Variants in ALCAM observed in about 807,000 individuals in gnomAD.
ALCAM encodes the protein CD166 antigen.
In ALCAM, 30 loss-of-function variants were observed where a neutral mutation model predicts 70.9. The observed-to-expected ratio is 0.42, with a 90% CI of 0.32 to 0.57. The LOEUF (loss-of-function observed/expected upper bound fraction) is 0.57, where lower values mean the gene tolerates loss of function less well. Among genes scored for constraint, ALCAM ranks in the 20% least tolerant of loss-of-function variants. The probability of loss-of-function intolerance (pLI) is 0.11; values close to 1 mark genes in which losing one functional copy is unlikely to be tolerated. For missense variants in ALCAM, 591 were observed against 695.1 expected, an observed-to-expected ratio of 0.85 and a Z score of 1.68; for synonymous variants, 249 against 242.5, an observed-to-expected ratio of 1.03 and a Z score of -0.25.
chr3:105,430,213 G>C (rs1242832941), intron 1 of ALCAM, among the ~76,000 whole-genome samples: 1 of 151,596 alleles, frequency 6.6e-6, no homozygotes, highest in Non-Finnish European at 1.5e-5. Context: ...CATATTTATA[G>C]TACATTTATC....
At chr3:105,417,994 AG>A (rs1379430945) in intron 1 of ALCAM, among the ~76,000 whole-genome samples, 1 of 151,774 alleles carries the variant, frequency 6.6e-6, no homozygotes, top group Non-Finnish European at 1.5e-5. Context: ...TAAAGGTAAA[AG>A]TATCAGAAAA....
chr3:105,391,856 T>G (rs1176001896), intron 1 of ALCAM, among the ~76,000 whole-genome samples: 1 of 152,164 alleles, frequency 6.6e-6, no homozygotes, highest in Non-Finnish European at 1.5e-5. Flanking sequence ...CCTTTAGTTC[T>G]GTTTATGTGA....
intron 1 of ALCAM, among the ~76,000 whole-genome samples, chr3:105,437,149 T>C (rs1937067690): frequency 6.6e-6 from 1 of 152,242 alleles, no homozygotes; most frequent in Non-Finnish European, 1.5e-5. Flanking sequence ...CATGTGGGAA[T>C]TATTTGGATT....
intron 14 of ALCAM, among the ~76,000 whole-genome samples, chr3:105,559,771 A>T (rs1189212715): frequency 2.0e-5 from 3 of 152,162 alleles, no homozygotes; most frequent in Admixed American, 6.5e-5. Context: ...TTATGACCAG[A>T]GATTGTTTGC....
chr3:105,477,311 AACTT>A (rs1299193804), intron 1 of ALCAM, among the ~76,000 whole-genome samples: 1 of 152,116 alleles, frequency 6.6e-6, no homozygotes, highest in African/African-American at 2.4e-5. Flanking sequence ...TTGAAGAACT[AACTT>A]TAGCATTTCT....
chr3:105,515,070 C>T (rs1319170807), intron 1 of ALCAM, among the ~76,000 whole-genome samples: 1 of 151,840 alleles, frequency 6.6e-6, no homozygotes, highest in African/African-American at 2.4e-5. Context: ...CACACATGCA[C>T]AAATGCACAC....
At chr3:105,518,893 A>G (rs1398538298) in intron 1 of ALCAM, among the ~76,000 whole-genome samples, 1 of 152,034 alleles carries the variant, frequency 6.6e-6, no homozygotes, top group East Asian at 1.9e-4. Context: ...CCTTAAATGA[A>G]ATTTTGGTAT....
At chr3:105,382,686 G>T (rs555553708) in intron 1 of ALCAM, among the ~76,000 whole-genome samples, 2 of 151,878 alleles carry the variant, frequency 1.3e-5, no homozygotes, top group African/African-American at 4.8e-5. Context: ...TTCTCTGATG[G>T]CCAGTGATGA....
chr3:105,424,367 A>G (rs189987964), intron 1 of ALCAM, among the ~76,000 whole-genome samples: 106 of 151,822 alleles, frequency 7.0e-4, no homozygotes, highest in African/African-American at 2.4e-3. Flanking sequence ...CAGAATTCAG[A>G]TGAACTCTTA....
intron 1 of ALCAM, among the ~76,000 whole-genome samples, chr3:105,442,173 T>G (rs933906931): frequency 6.6e-6 from 1 of 152,160 alleles, no homozygotes; most frequent in African/African-American, 2.4e-5. Flanking sequence ...ATTATTACAT[T>G]AGAATGAGAC....
chr3:105,430,976 G>C (rs1159740354), intron 1 of ALCAM, among the ~76,000 whole-genome samples: 1 of 152,040 alleles, frequency 6.6e-6, no homozygotes, highest in East Asian at 1.9e-4. Flanking sequence ...ATGGTTGGAA[G>C]TTCCTAGCAC....
At chr3:105,501,005 G>A (rs1938903354) in intron 1 of ALCAM, among the ~76,000 whole-genome samples, 1 of 152,162 alleles carries the variant, frequency 6.6e-6, no homozygotes, top group Non-Finnish European at 1.5e-5. Context: ...CTCTCACAGA[G>A]ACTGTTTACT....
At chr3:105,464,056 C>A (rs766989270) in intron 1 of ALCAM, among the ~76,000 whole-genome samples, 2 of 151,300 alleles carry the variant, frequency 1.3e-5, no homozygotes, top group Non-Finnish European at 3.0e-5. Flanking sequence ...CTCAAAGAAC[C>A]AATCTGTCAA....
chr3:105,496,992 C>T (rs913424744), intron 1 of ALCAM, among the ~76,000 whole-genome samples: 3 of 152,056 alleles, frequency 2.0e-5, no homozygotes, highest in African/African-American at 4.8e-5. Flanking sequence ...CCTATTACCT[C>T]ATTCTAACTA....
intron 1 of ALCAM, among the ~76,000 whole-genome samples, chr3:105,493,973 A>G (rs1011491929): frequency 4.6e-5 from 7 of 152,204 alleles, no homozygotes; most frequent in Admixed American, 1.3e-4. Flanking sequence ...TCACTTGTAA[A>G]TAGTAAAGCC....
chr3:105,546,835 G>T (rs1248912670), intron 9 of ALCAM, among the ~76,000 whole-genome samples: 1 of 151,002 alleles, frequency 6.6e-6, no homozygotes, highest in African/African-American at 2.4e-5. Flanking sequence ...TGACATAATA[G>T]GATTATTTTC....
chr3:105,442,249 C>T (rs1443600871), intron 1 of ALCAM, among the ~76,000 whole-genome samples: 1 of 152,034 alleles, frequency 6.6e-6, no homozygotes, highest in Admixed American at 6.6e-5. Context: ...TATCAGGACA[C>T]ATTTAGGGCC....
At chr3:105,422,946 A>T (rs902116243) in intron 1 of ALCAM, among the ~76,000 whole-genome samples, 2 of 151,508 alleles carry the variant, frequency 1.3e-5, no homozygotes, top group Non-Finnish European at 3.0e-5. Flanking sequence ...TTGAAAATAC[A>T]GTAGCTATCC....
At chr3:105,367,548 C>G in intron 1 of ALCAM, 67 bp downstream of exon 1, 1 of 1,577,972 alleles carries the variant, frequency 6.3e-7, no homozygotes, top group Non-Finnish European at 8.7e-7. Context: ...GGTCCCCGTC[C>G]CAGCCTCGCA....
Sources: gnomAD v4.1 joint callset for allele counts (sites outside exome capture counted in the v4.1 genomes callset) on GRCh38, gnomAD v4.1.1 for gene constraint, MANE v1.5 for transcripts, NCBI Gene and HGNC (gene_info 2026-07-23, HGNC 2026-07-21) for gene names.